NECAB1: variants seen among roughly 807,000 people sequenced by gnomAD.
NECAB1 encodes N-terminal EF-hand calcium-binding protein 1.
A neutral mutation model predicts 57.5 loss-of-function variants in NECAB1; 29 were observed. That is an observed-to-expected ratio of 0.50 (90% CI 0.38 to 0.69). The LOEUF (loss-of-function observed/expected upper bound fraction) is 0.69. Ranked by LOEUF, NECAB1 falls within the 30% of genes least tolerant of loss-of-function variation. The pLI, the probability that NECAB1 is intolerant of heterozygous loss-of-function variation, is 0.00. For synonymous variants in NECAB1, 142 were observed against 147.7 expected, an observed-to-expected ratio of 0.96 and a Z score of 0.28; for missense variants, 372 against 413.8, an observed-to-expected ratio of 0.90 and a Z score of 0.88.
At chr8:90,917,443 G>A (rs368623026) in intron 5 of NECAB1, 49 bp from the exon 6 acceptor site, 136 of 1,525,364 alleles carry the variant, frequency 8.9e-5, no homozygotes, top group African/African-American at 2.8e-5. Flanking sequence ...AAAATCCTGG[G>A]TATTTTTTTC....
At chr8:90,829,344 T>C (rs563912336) in intron 3 of NECAB1, among the ~76,000 whole-genome samples, 34 of 152,234 alleles carry the variant, frequency 2.2e-4, no homozygotes, top group Admixed American at 1.6e-3. Context: ...AAAGTTAGTC[T>C]GTCTACATTT....
intron 3 of NECAB1, among the ~76,000 whole-genome samples, chr8:90,833,061 A>G (rs2129725580): frequency 6.6e-6 from 1 of 152,184 alleles, no homozygotes; most frequent in Non-Finnish European, 1.5e-5. Flanking sequence ...TATATCTATT[A>G]TGTAGGGTTT....
intron 5 of NECAB1, among the ~76,000 whole-genome samples, chr8:90,897,885 C>T (rs1809398292): frequency 6.6e-6 from 1 of 152,190 alleles, no homozygotes; most frequent in Non-Finnish European, 1.5e-5. Flanking sequence ...GGACTTACCT[C>T]CTGTAAGTCA....
intron 8 of NECAB1, among the ~76,000 whole-genome samples, chr8:90,932,143 G>A (rs976261819): frequency 4.6e-5 from 7 of 152,120 alleles, no homozygotes; most frequent in Non-Finnish European, 8.8e-5. Flanking sequence ...AACTGAAATT[G>A]TACCTTAGTT....
chr8:90,951,014 C>A, intron 11 of NECAB1, 99 bp from the exon 12 acceptor site: 1 of 559,758 alleles, frequency 1.8e-6, no homozygotes, highest in Non-Finnish European at 2.9e-6. Context: ...TAATCCAAAT[C>A]ATCCCAAACT....
At chr8:90,910,781 T>C (rs78469533) in intron 5 of NECAB1, among the ~76,000 whole-genome samples, 8 of 152,302 alleles carry the variant, frequency 5.3e-5, no homozygotes, top group African/African-American at 1.9e-4. Context: ...CAGTTTCAGT[T>C]GCTATTCTCA....
Position 90,872,171 on chromosome 8 carries a change from ATCAG to A in NECAB1, c.259+22_259+25del. On this transcript the variant is annotated intron_variant, in intron 4 of 12. Transcript: ENST00000417640. ...GCTATGTGGTAAGTGTTTCTTTAAG[ATCAG>A]TCAAACCTATTACTTGCTTAAGAAG... is the stretch of plus-strand genomic sequence containing the variant. 1 of 1,540,524 alleles carries A rather than the reference ATCAG, an allele frequency of 6.5e-7. No individual in the cohort carries two copies. The highest frequency in any genetic ancestry group is 8.8e-7 in the Non-Finnish European group (1 of 1,138,758).
At chr8:90,896,194 T>C (rs544309690) in intron 5 of NECAB1, among the ~76,000 whole-genome samples, 5 of 152,152 alleles carry the variant, frequency 3.3e-5, no homozygotes, top group African/African-American at 1.2e-4. Flanking sequence ...GCTTCTTCTT[T>C]TGGAAAATCA....
In NECAB1 at chr8:90,896,419, A is replaced by G. The variant is rs545289725; in HGVS notation, c.357+15289A>G. On this transcript the variant is annotated intron_variant, in intron 5 of 12. Coordinates refer to ENST00000417640, the MANE Select transcript of NECAB1 (RefSeq NM_022351.5). Reference sequence around the variant, plus strand: ...GGAGATCGAGACCATCCTGGCTAACATGGTGAAACCCCGTCTCTACTAAAA... The same window carrying G: ...GGAGATCGAGACCATCCTGGCTAACGTGGTGAAACCCCGTCTCTACTAAAA... Among the ~76,000 whole-genome samples the G allele has an allele frequency of 1.9e-4, 29 of 152,244 alleles. No individual in the cohort carries two copies. The South Asian group carries it at 2.3e-3, about 12-fold the overall frequency.
intron 5 of NECAB1, among the ~76,000 whole-genome samples, chr8:90,911,604 G>C: frequency 6.6e-6 from 1 of 152,092 alleles, no homozygotes; most frequent in Admixed American, 6.5e-5. Context: ...TATATAAAAG[G>C]TGTACATTTT....
At chr8:90,830,979 C>T (rs1201309485) in intron 3 of NECAB1, among the ~76,000 whole-genome samples, 1 of 152,104 alleles carries the variant, frequency 6.6e-6, no homozygotes, top group Non-Finnish European at 1.5e-5. Flanking sequence ...AATTGTCTGG[C>T]TCACATGTCT....
intron 5 of NECAB1, among the ~76,000 whole-genome samples, chr8:90,882,884 AT>A (rs1808875181): frequency 1.3e-5 from 2 of 152,192 alleles, no homozygotes; most frequent in African/African-American, 4.8e-5. Context: ...ATACTCAAAA[AT>A]TTATTGATGG....
intron 2 of NECAB1, among the ~76,000 whole-genome samples, chr8:90,802,581 T>C (rs1448935876): frequency 6.6e-6 from 1 of 152,180 alleles, no homozygotes; most frequent in Non-Finnish European, 1.5e-5. Context: ...CATTTATCTA[T>C]GGGGAGAGAT....
chr8:90,815,145 C>T (rs1414403965), intron 2 of NECAB1, among the ~76,000 whole-genome samples: 2 of 152,018 alleles, frequency 1.3e-5, no homozygotes, highest in African/African-American at 4.8e-5. Context: ...ATTGTTTAAT[C>T]CCAGTCTACA....
At position 90,956,610 on chromosome 8, in the gene NECAB1, G is replaced by A. The variant is rs943806216; in HGVS notation, c.*1098G>A. On this transcript the variant is annotated 3_prime_UTR_variant, in exon 13 of 13. Coordinates refer to ENST00000417640, the MANE Select transcript of NECAB1 (RefSeq NM_022351.5). ...TGTTCTGGTTATAAACCTTGCTAAT[G>A]AAAATACAATACATATAAAAATGTA... 1.3e-5 allele frequency: 2 copies of A among 151,616 alleles called. No homozygotes were observed. Among genetic ancestry groups the A allele is most frequent in the Admixed American group, 1.3e-4 (2 of 15,190 alleles). 9.4% of individuals were successfully genotyped at this position (151,616 alleles called of 1,614,324 possible).
At chr8:90,817,536 T>C (rs1238213638) in intron 2 of NECAB1, among the ~76,000 whole-genome samples, 1 of 151,676 alleles carries the variant, frequency 6.6e-6, no homozygotes, top group Non-Finnish European at 1.5e-5. Context: ...GGGTGTATGA[T>C]TTTTCAAATG....
rs1487872552 is a variant in NECAB1, at chr8:90,819,007, CA to C, written c.125-5709del. ...CACAAAAACTAGATTAAAATTGTCACAGGGGAGGAGAAATACCGACATTTCT... is the reference window on the plus strand; with the variant it reads ...CACAAAAACTAGATTAAAATTGTCACGGGGAGGAGAAATACCGACATTTCT... On this transcript the variant is annotated intron_variant, in intron 2 of 12. Transcript: ENST00000417640. 3.3e-5 allele frequency among the ~76,000 whole-genome samples: 5 copies of C among 152,008 alleles called. No individual in the cohort carries two copies. The East Asian group carries it at 7.7e-4, about 23-fold the overall frequency.
In NECAB1 at chr8:90,940,824, A is replaced by T; in HGVS notation, c.786A>T (p.Glu262Asp). The change falls in exon 10 of 13, where the codon GAA (glutamate) becomes GAT (aspartate). Residue 262 changes from glutamate to aspartate, a missense_variant. Glu to Asp is a conservative substitution (Grantham distance 45). Coordinates refer to ENST00000417640, the MANE Select transcript of NECAB1 (RefSeq NM_022351.5). ...MLVQRQMSVI[E>D]EDLEEFQLAL... Reference sequence around the variant, plus strand: ...TGCAGCGGCAGATGTCTGTGATAGAAGAGGACCTGGAAGAATTCCAGCTCG... The same window carrying T: ...TGCAGCGGCAGATGTCTGTGATAGATGAGGACCTGGAAGAATTCCAGCTCG... 1 of 1,564,370 alleles carries T rather than the reference A, an allele frequency of 6.4e-7. No homozygotes were observed. Among genetic ancestry groups the T allele is most frequent in the Non-Finnish European group, 8.7e-7 (1 of 1,153,992 alleles).
At chr8:90,883,179 C>A (rs1451486546) in intron 5 of NECAB1, among the ~76,000 whole-genome samples, 2 of 151,922 alleles carry the variant, frequency 1.3e-5, no homozygotes, top group African/African-American at 4.8e-5. Context: ...TTGGCACTGA[C>A]CCTTAAAAAT....
Sources: allele counts gnomAD v4.1 joint callset (sites outside exome capture counted in the v4.1 genomes callset), GRCh38; gene constraint gnomAD v4.1.1; transcripts MANE v1.5; gene names NCBI Gene and HGNC (gene_info 2026-07-23, HGNC 2026-07-21).